Variants in PRKACB observed in about 807,000 individuals in gnomAD.
PRKACB encodes the protein cAMP-dependent protein kinase catalytic subunit beta.
In PRKACB, 16 loss-of-function variants were observed where a neutral mutation model predicts 51.4. The ratio of observed to expected loss-of-function variants is 0.31; its 90% CI spans 0.21 to 0.47. The LOEUF (loss-of-function observed/expected upper bound fraction) is 0.47. Ranked by LOEUF, PRKACB falls within the 20% of genes least tolerant of loss-of-function variation. PRKACB has a pLI of 1.00. For missense variants in PRKACB, 309 were observed against 464.5 expected (o/e 0.67, Z 3.08); for synonymous variants, 147 against 154.4 (o/e 0.95, Z 0.35).
intron 1 of PRKACB, among the ~76,000 whole-genome samples, chr1:84,174,252 AT>A (rs1407725594): frequency 1.3e-5 from 2 of 151,888 alleles, no homozygotes; most frequent in Non-Finnish European, 2.9e-5. Flanking sequence ...CTTCCATGCC[AT>A]TTATGTAAGA....
chr1:84,204,156 T>C (rs1275218164), intron 8 of PRKACB, among the ~76,000 whole-genome samples: 1 of 152,014 alleles, frequency 6.6e-6, no homozygotes, highest in East Asian at 1.9e-4. Context: ...TATCTCATAG[T>C]ACATATGCAC....
intron 1 of PRKACB, chr1:84,164,284 C>T: frequency 2.0e-6 from 3 of 1,494,232 alleles, no homozygotes; most frequent in Non-Finnish European, 2.7e-6. Flanking sequence ...AGATTCATCG[C>T]CAATAGTCAC....
chr1:84,211,758 A>G (rs551282537), intron 8 of PRKACB, among the ~76,000 whole-genome samples: 7 of 152,292 alleles, frequency 4.6e-5, no homozygotes, highest in African/African-American at 1.2e-4. Context: ...ACCCCTACCT[A>G]TGAAATTTGG....
chr1:84,097,742 G>A (rs183271127), intron 1 of PRKACB, among the ~76,000 whole-genome samples: 24 of 152,004 alleles, frequency 1.6e-4, no homozygotes, highest in African/African-American at 5.5e-4. Flanking sequence ...GAGCACTGAC[G>A]TCCAATAGCA....
intron 8 of PRKACB, among the ~76,000 whole-genome samples, chr1:84,210,496 T>C (rs1671967752): frequency 6.6e-6 from 1 of 152,160 alleles, no homozygotes; most frequent in Non-Finnish European, 1.5e-5. Flanking sequence ...TCAGGAAGAT[T>C]AGGTTATTTT....
intron 1 of PRKACB, among the ~76,000 whole-genome samples, chr1:84,094,322 C>T (rs781560155): frequency 3.3e-5 from 5 of 151,882 alleles, no homozygotes; most frequent in Admixed American, 6.6e-5. Flanking sequence ...GTTATTTCTG[C>T]GTCTGTGAGT....
At chr1:84,189,072 A>G (rs1666008534) in intron 5 of PRKACB, among the ~76,000 whole-genome samples, 1 of 151,970 alleles carries the variant, frequency 6.6e-6, no homozygotes, top group Non-Finnish European at 1.5e-5. Flanking sequence ...CTAGTTTTTT[A>G]GACAAATCAC....
chr1:84,178,102 G>A (rs1661962596), intron 1 of PRKACB, among the ~76,000 whole-genome samples: 1 of 151,846 alleles, frequency 6.6e-6, no homozygotes, highest in African/African-American at 2.4e-5. Context: ...AAGCCTTTTT[G>A]GTTAGTAACA....
intron 1 of PRKACB, among the ~76,000 whole-genome samples, chr1:84,094,247 G>A (rs191199108): frequency 1.8e-4 from 27 of 152,012 alleles, no homozygotes; most frequent in African/African-American, 6.5e-4. Flanking sequence ...TTTAAGGAAG[G>A]TTTCTTCTAT....
chr1:84,210,652 TTGATAA>T (rs1671992333), intron 8 of PRKACB, among the ~76,000 whole-genome samples: 1 of 152,160 alleles, frequency 6.6e-6, no homozygotes, highest in Non-Finnish European at 1.5e-5. Flanking sequence ...GTAGTTATAA[TTGATAA>T]TGATAAAAGT....
At chr1:84,175,088 T>C (rs1184292720) in intron 1 of PRKACB, 5 of 1,412,328 alleles carry the variant, frequency 3.5e-6, no homozygotes, top group Non-Finnish European at 4.6e-6. Context: ...AAACAAATAT[T>C]ACCTTTAAAA....
intron 9 of PRKACB, among the ~76,000 whole-genome samples, chr1:84,223,392 G>GGT (rs1674063767): frequency 7.4e-6 from 1 of 135,648 alleles, no homozygotes; most frequent in African/African-American, 2.8e-5. Context: ...TTTTTGAAAT[G>GGT]GTGTCTCGCT....
At chr1:84,179,010 A>G in intron 1 of PRKACB, 167 bp from the exon 2 acceptor site, 8 of 722,410 alleles carry the variant, frequency 1.1e-5, no homozygotes, top group Non-Finnish European at 1.7e-5. Flanking sequence ...GAAGGTTCTT[A>G]GAGATACTAA....
intron 1 of PRKACB, among the ~76,000 whole-genome samples, chr1:84,086,465 C>T (rs560968999): frequency 1.1e-3 from 161 of 152,248 alleles, no homozygotes; most frequent in Middle Eastern, 3.4e-3. Context: ...TGTGGCAGTT[C>T]TCTCAAGATG....
intron 5 of PRKACB, among the ~76,000 whole-genome samples, chr1:84,188,928 T>C (rs1000125429): frequency 5.3e-5 from 8 of 151,932 alleles, no homozygotes; most frequent in Admixed American, 5.2e-4. Flanking sequence ...AGAGTGATAA[T>C]CAAAAGACAT....
intron 1 of PRKACB, among the ~76,000 whole-genome samples, chr1:84,121,341 A>T (rs1453399633): frequency 2.6e-5 from 4 of 152,072 alleles, no homozygotes; most frequent in Admixed American, 2.6e-4. Flanking sequence ...ATAAATTTGA[A>T]GATGAAAAAG....
intron 5 of PRKACB, among the ~76,000 whole-genome samples, chr1:84,189,331 A>G (rs1262658981): frequency 2.6e-5 from 4 of 151,906 alleles, no homozygotes; most frequent in Non-Finnish European, 5.9e-5. Flanking sequence ...TCCTGGTTAC[A>G]TGAAATAATA....
intron 1 of PRKACB, among the ~76,000 whole-genome samples, chr1:84,109,431 T>G (rs1467120869): frequency 6.6e-6 from 1 of 151,964 alleles, no homozygotes; most frequent in Non-Finnish European, 1.5e-5. Flanking sequence ...AATGTTAGAG[T>G]AGCATTTTTA....
chr1:84,221,226 G>A (rs1371481636), intron 9 of PRKACB, among the ~76,000 whole-genome samples: 2 of 151,692 alleles, frequency 1.3e-5, no homozygotes, highest in African/African-American at 4.8e-5. Flanking sequence ...TTTCCAGTTA[G>A]TTAGCATATA....
Sources: allele counts gnomAD v4.1 joint callset (sites outside exome capture counted in the v4.1 genomes callset), GRCh38; gene constraint gnomAD v4.1.1; transcripts MANE v1.5; gene names NCBI Gene and HGNC (gene_info 2026-07-23, HGNC 2026-07-21).